Variants in BIVM observed in about 807,000 individuals in gnomAD.
The protein encoded by BIVM is basic, immunoglobulin-like variable motif containing.
In BIVM, 31 loss-of-function variants were observed where a neutral mutation model predicts 61.4. The ratio of observed to expected loss-of-function variants is 0.51; its 90% CI spans 0.38 to 0.68. BIVM has a LOEUF of 0.68. Among genes scored for constraint, BIVM ranks in the 30% least tolerant of loss-of-function variants. BIVM has a pLI of 0.00. For missense variants in BIVM, 526 were observed against 596.0 expected, an observed-to-expected ratio of 0.88 and a Z score of 1.22; for synonymous variants, 189 against 210.7, an observed-to-expected ratio of 0.90 and a Z score of 0.89.
At chr13:102,835,374 G>A (rs1881395511) in intron 9 of BIVM, among the ~76,000 whole-genome samples, 1 of 152,106 alleles carries the variant, frequency 6.6e-6, no homozygotes, top group Non-Finnish European at 1.5e-5. Flanking sequence ...TTTTATTATA[G>A]TTACAGGGTT....
Position 102,838,447 on chromosome 13 carries a change from G to A in BIVM, c.1122-196G>A, listed in dbSNP as rs112476962. Reference sequence around the variant, plus strand: ...AACCAATTGTACACTGAAAACCTTGGCAACGGTTGGATAAACAGAATTGTC... The same window carrying A: ...AACCAATTGTACACTGAAAACCTTGACAACGGTTGGATAAACAGAATTGTC... On this transcript the variant is annotated intron_variant, in intron 9 of 10. Coordinates refer to ENST00000257336, the MANE Select transcript of BIVM (RefSeq NM_017693.4). Among the ~76,000 whole-genome samples, 621 of 152,270 alleles carry A rather than the reference G, an allele frequency of 4.1e-3. 2 individuals are homozygous for A. The highest frequency in any genetic ancestry group is 7.1e-3 in the Non-Finnish European group (483 of 68,020).
chr13:102,821,243 T>A, intron 5 of BIVM, 111 bp downstream of exon 5: 1 of 917,124 alleles, frequency 1.1e-6, no homozygotes, highest in Non-Finnish European at 1.6e-6. Flanking sequence ...AACAAAACCC[T>A]GCTGTATTTT....
Position 102,841,361 on chromosome 13 carries a change from C to T in BIVM, c.*1496C>T, listed in dbSNP as rs1358441567. On this transcript the variant is annotated 3_prime_UTR_variant, in exon 11 of 11. Coordinates refer to ENST00000257336, the MANE Select transcript of BIVM (RefSeq NM_017693.4). ...TTTTATATCCGTTTGTTCACTCGTA[C>T]ATGCCTAGCCTACAGAAGGGGATAT... is the stretch of plus-strand genomic sequence containing the variant. 1.3e-5 allele frequency: 2 copies of T among 152,552 alleles called. No homozygotes were observed. The highest frequency in any genetic ancestry group is 4.8e-5 in the African/African-American group (2 of 41,414). The allele number at this position is 152,552 out of a possible 1,614,324, so 9.4% of individuals were successfully genotyped here.
At position 102,822,124 on chromosome 13, in the gene BIVM, A is replaced by G; in HGVS notation, c.866A>G (p.Lys289Arg). ...HVKGCSYVLY[K>R]PHGKNKTAGE... ...AAAGGATGCTCTTATGTTCTATATA[A>G]GCCTCATGGGAAGAATAAAACAGCA... is the stretch of plus-strand genomic sequence containing the variant. The change falls in exon 7 of 11, where the codon AAG becomes AGG. Residue 289 changes from lysine to arginine, a missense_variant. Coordinates refer to ENST00000257336, the MANE Select transcript of BIVM (RefSeq NM_017693.4). 1 of 1,614,028 alleles carries G rather than the reference A, an allele frequency of 6.2e-7. No homozygotes were observed. Among genetic ancestry groups the G allele is most frequent in the Non-Finnish European group, 8.5e-7 (1 of 1,180,006 alleles).
rs536616853 is a variant in BIVM, at chr13:102,814,745, G to A, written c.479-1683G>A. Among the ~76,000 whole-genome samples, 6 of 152,204 alleles carry A rather than the reference G, an allele frequency of 3.9e-5. No individual in the cohort carries two copies. The South Asian group carries it at 1.2e-3, about 32-fold the overall frequency. Reference sequence around the variant, plus strand: ...AAAGTGTGTTCTCTGTAAAAACTTAGAAAAAATAATTAAAAGGGTCACGCA... The same window carrying A: ...AAAGTGTGTTCTCTGTAAAAACTTAAAAAAAATAATTAAAAGGGTCACGCA... On this transcript the variant is annotated intron_variant, in intron 3 of 10. Transcript: ENST00000257336.
At chr13:102,817,273 T>G (rs1879927196) in intron 4 of BIVM, among the ~76,000 whole-genome samples, 1 of 152,244 alleles carries the variant, frequency 6.6e-6, no homozygotes, top group African/African-American at 2.4e-5. Context: ...GTATTTTCCT[T>G]TTAGTTTCCT....
chr13:102,815,777 G>C (rs943561229), intron 3 of BIVM, among the ~76,000 whole-genome samples: 18 of 152,354 alleles, frequency 1.2e-4, no homozygotes, highest in Non-Finnish European at 2.4e-4. Flanking sequence ...GCATGTATGA[G>C]TGTGTGTGCA....
At chr13:102,820,258 A>G (rs1880160800) in intron 4 of BIVM, 1 of 150,650 alleles carries the variant, frequency 6.6e-6, no homozygotes. Flanking sequence ...AGGCTGAGGC[A>G]GGAGAATTGC....
intron 7 of BIVM, among the ~76,000 whole-genome samples, chr13:102,825,945 A>G (rs1880637492): frequency 6.6e-6 from 1 of 152,180 alleles, no homozygotes; most frequent in African/African-American, 2.4e-5. Context: ...GGTTTCATGC[A>G]GAAAAACTAG....
chr13:102,815,430 T>C (rs1398108210), intron 3 of BIVM, among the ~76,000 whole-genome samples: 1 of 152,194 alleles, frequency 6.6e-6, no homozygotes, highest in African/African-American at 2.4e-5. Context: ...GAAATGAGGC[T>C]TGGATGTTAT....
intron 1 of BIVM, chr13:102,801,675 C>A (rs188975663): frequency 6.6e-6 from 1 of 152,288 alleles, no homozygotes; most frequent in East Asian, 1.9e-4. Flanking sequence ...TTGAATGAGA[C>A]GTCTACAAAT....
intron 10 of BIVM, 96 bp from the exon 11 acceptor site, chr13:102,839,476 G>A (rs1222817750): frequency 2.7e-6 from 4 of 1,482,534 alleles, no homozygotes; most frequent in East Asian, 4.6e-5. Context: ...TGAGGCCGGT[G>A]AAGTAAAAAA....
intron 2 of BIVM, 49 bp downstream of exon 2, chr13:102,805,439 A>G (rs1406580749): frequency 1.3e-5 from 2 of 152,172 alleles, no homozygotes; most frequent in Non-Finnish European, 2.9e-5. Flanking sequence ...GTTTATTTAA[A>G]TCTGTGGCCG....
At position 102,840,855 on chromosome 13, in the gene BIVM, G is replaced by A. The variant is rs1881760777; in HGVS notation, c.*990G>A. ...AGTCTAGATGACGTTTGCCTTAGGG[G>A]TAAAGTAAAAGAACAATTGGCACCT... is the stretch of plus-strand genomic sequence containing the variant. On this transcript the variant is annotated 3_prime_UTR_variant, in exon 11 of 11. Transcript: ENST00000257336. 6.6e-6 allele frequency: 1 copy of A among 151,998 alleles called. No individual in the cohort carries two copies. The highest frequency in any genetic ancestry group is 2.4e-5 in the African/African-American group (1 of 41,386). The allele number at this position is 151,998 out of a possible 1,614,324, so 9.4% of individuals were successfully genotyped here. A position where few individuals can be genotyped will look rare whatever the true frequency, so the allele number is the denominator to read the frequency against.
At chr13:102,825,244 C>T (rs904113362) in intron 7 of BIVM, among the ~76,000 whole-genome samples, 1 of 152,090 alleles carries the variant, frequency 6.6e-6, no homozygotes, top group Non-Finnish European at 1.5e-5. Flanking sequence ...TGTGCCCAGA[C>T]TAATTTTATT....
At chr13:102,826,535 G>C (rs1419138124) in intron 7 of BIVM, among the ~76,000 whole-genome samples, 5 of 152,030 alleles carry the variant, frequency 3.3e-5, no homozygotes, top group Admixed American at 3.3e-4. Flanking sequence ...TCTTTTAATG[G>C]GGTGTGGACC....
chr13:102,813,509 T>C (rs934029803), intron 3 of BIVM, among the ~76,000 whole-genome samples: 3 of 152,248 alleles, frequency 2.0e-5, no homozygotes, highest in Admixed American at 6.5e-5. Context: ...ATCTATGTCA[T>C]AATGCAGAGT....
At chr13:102,803,486 G>C (rs148596367) in intron 1 of BIVM, among the ~76,000 whole-genome samples, 2 of 152,240 alleles carry the variant, frequency 1.3e-5, no homozygotes, top group East Asian at 3.9e-4. Context: ...CTGGGCAACA[G>C]AGTGAGATTC....
In BIVM at chr13:102,838,645, G is replaced by A. The variant is rs758468928; in HGVS notation, c.1124G>A (p.Trp375Ter). 6.2e-7 allele frequency: 1 copy of A among 1,605,740 alleles called. No homozygotes were observed. The highest frequency in any genetic ancestry group is 8.5e-7 in the Non-Finnish European group (1 of 1,176,134). The part of the protein sequence containing the change: ...RKHPAIHCKK[W>*]ADIVTDLNTQ... ...TTATCCTTTCTTCTTAACTATAGATGGGCAGATATTGTTACTGATCTAAAC... is the reference window on the plus strand; with the variant it reads ...TTATCCTTTCTTCTTAACTATAGATAGGCAGATATTGTTACTGATCTAAAC... The change falls in exon 10 of 11, where the codon TGG (tryptophan) becomes TAG (stop). Residue 375 changes from tryptophan to a stop codon, truncating the protein, a stop_gained and splice_region_variant. Transcript: ENST00000257336. LOFTEE classifies it high-confidence loss of function.
Sources: gnomAD v4.1 joint callset for allele counts (sites outside exome capture counted in the v4.1 genomes callset) on GRCh38, gnomAD v4.1.1 for gene constraint, MANE v1.5 for transcripts, NCBI Gene and HGNC (gene_info 2026-07-23, HGNC 2026-07-21) for gene names.